The following NELL1 variants were observed in gnomAD, a reference collection of about 807,000 sequenced individuals.
The protein encoded by NELL1 is protein kinase C-binding protein NELL1.
A neutral mutation model predicts 107.4 loss-of-function variants in NELL1; 76 were observed. That is an observed-to-expected ratio of 0.71 (90% CI 0.59 to 0.86). The LOEUF is 0.86. Among genes scored for constraint, NELL1 ranks in the 40% least tolerant of loss-of-function variants. The pLI is 0.00. For synonymous variants in NELL1, 353 were observed against 341.2 expected, an observed-to-expected ratio of 1.03 and a Z score of -0.38; for missense variants, 1,024 against 1,005.5, an observed-to-expected ratio of 1.02 and a Z score of -0.25.
chr11:20,804,480 C>T (rs1857341583), intron 3 of NELL1, among the ~76,000 whole-genome samples: 2 of 152,194 alleles, frequency 1.3e-5, no homozygotes, highest in Non-Finnish European at 2.9e-5. Flanking sequence ...AAGTGATGCA[C>T]CTGCCTCAGC....
rs1328258994 is a variant in NELL1 at position 21,571,072 on chromosome 11, GTCATGTTCTCT to G, written c.2157+135_2157+145del. ...AGCTCTGTGGGGCCTGTGGCTAAGG[GTCATGTTCTCT>G]TCCTAAAGATATTCAGGTTGTATTT... is the stretch of plus-strand genomic sequence containing the variant. On this transcript the variant is annotated intron_variant, in intron 18 of 19. Transcript: ENST00000357134. 8.6e-6 allele frequency: 6 copies of G among 695,194 alleles called. No individual in the cohort carries two copies. In the Admixed American group the frequency reaches 1.6e-4, roughly 19 times the overall value. The allele number at this position is 695,194 out of a possible 1,614,324, so 43.1% of individuals were successfully genotyped here.
chr11:20,769,252 T>A (rs1856594469), intron 2 of NELL1: 1 of 152,368 alleles, frequency 6.6e-6, no homozygotes, highest in South Asian at 2.1e-4. Context: ...CTCTGACAAG[T>A]AAGACAGAAG....
intron 15 of NELL1, among the ~76,000 whole-genome samples, chr11:21,493,281 A>G (rs75435070): frequency 6.6e-6 from 1 of 152,276 alleles, no homozygotes; most frequent in African/African-American, 2.4e-5. Context: ...AGATACCTAC[A>G]TGTGCATATT....
chr11:20,872,294 C>A (rs1024386973), intron 4 of NELL1, among the ~76,000 whole-genome samples: 2 of 151,766 alleles, frequency 1.3e-5, no homozygotes, highest in Non-Finnish European at 2.9e-5. Flanking sequence ...CCCGCTCCCA[C>A]CTCAGCCTCC....
At chr11:21,119,962 T>C (rs1370943146) in intron 13 of NELL1, among the ~76,000 whole-genome samples, 1 of 152,148 alleles carries the variant, frequency 6.6e-6, no homozygotes, top group East Asian at 1.9e-4. Context: ...AGACAGATAC[T>C]TCACAGTAAC....
intron 12 of NELL1, among the ~76,000 whole-genome samples, chr11:20,995,830 T>C (rs1333657674): frequency 1.3e-5 from 2 of 152,128 alleles, no homozygotes; most frequent in Non-Finnish European, 2.9e-5. Flanking sequence ...TTAGAGCTAA[T>C]CTGGCTCACT....
At chr11:21,469,517 G>A (rs368147989) in intron 15 of NELL1, among the ~76,000 whole-genome samples, 1 of 152,012 alleles carries the variant, frequency 6.6e-6, no homozygotes, top group African/African-American at 2.4e-5. Flanking sequence ...CTCTATAATT[G>A]TCTTTGCCAT....
intron 14 of NELL1, among the ~76,000 whole-genome samples, chr11:21,231,649 C>G (rs1405890950): frequency 2.0e-5 from 3 of 152,110 alleles, no homozygotes; most frequent in Non-Finnish European, 4.4e-5. Context: ...TTGCCGAGTC[C>G]TCTCTTGCCA....
chr11:20,685,426 A>G (rs1349650061), intron 2 of NELL1, among the ~76,000 whole-genome samples: 3 of 152,132 alleles, frequency 2.0e-5, no homozygotes, highest in Non-Finnish European at 2.9e-5. Context: ...ATTAGACAGT[A>G]CAGATCTGGA....
rs1371674801 is a variant in NELL1 at position 21,551,680 on chromosome 11, C to G, written c.1787-8509C>G. ...GTGGAGAAATAGGAACACTTTTACA[C>G]TGTTGGTGGGACTGTAAACCAGTTC... On this transcript the variant is annotated intron_variant, in intron 16 of 19. Coordinates refer to ENST00000357134, the MANE Select transcript of NELL1 (RefSeq NM_006157.5). Among the ~76,000 whole-genome samples the G allele has an allele frequency of 2.0e-5, 3 of 151,656 alleles. No homozygotes were observed. In the East Asian group the frequency reaches 5.9e-4, roughly 30 times the overall value.
In NELL1 at chr11:21,419,952, A is replaced by C. The variant is rs558708802; in HGVS notation, c.1645+49004A>C. Reference sequence around the variant, plus strand: ...TCTGGTCACTTATTGACAATTTGTTATAATCCTATTTTTTTATTGCTTGCT... The same window carrying C: ...TCTGGTCACTTATTGACAATTTGTTCTAATCCTATTTTTTTATTGCTTGCT... On this transcript the variant is annotated intron_variant, in intron 15 of 19. Coordinates refer to ENST00000357134, the MANE Select transcript of NELL1 (RefSeq NM_006157.5). Among the ~76,000 whole-genome samples the C allele has an allele frequency of 5.5e-4, 83 of 152,118 alleles. 2 individuals carry two copies. The South Asian group carries it at 0.016, about 29-fold the overall frequency.
intron 17 of NELL1, among the ~76,000 whole-genome samples, chr11:21,562,044 A>C (rs962179320): frequency 6.6e-6 from 1 of 152,038 alleles, no homozygotes; most frequent in African/African-American, 2.4e-5. Flanking sequence ...ACATATCCTC[A>C]CATCCTTTTT....
At chr11:20,851,316 G>A (rs17232841) in intron 4 of NELL1, among the ~76,000 whole-genome samples, 124 of 152,206 alleles carry the variant, frequency 8.1e-4, no homozygotes, top group African/African-American at 2.7e-3. Context: ...TGCTTGCTAC[G>A]GAGACACTTT....
At chr11:21,158,064 A>C (rs1412885160) in intron 13 of NELL1, among the ~76,000 whole-genome samples, 2 of 152,152 alleles carry the variant, frequency 1.3e-5, no homozygotes. Flanking sequence ...CAGGCAGAGG[A>C]ACGTGGAAGG....
intron 13 of NELL1, among the ~76,000 whole-genome samples, chr11:21,138,222 C>T (rs1458271789): frequency 6.6e-6 from 1 of 152,078 alleles, no homozygotes; most frequent in Non-Finnish European, 1.5e-5. Context: ...TCCCTCTTTT[C>T]CTTCCTAGGG....
rs1337491294 is a variant in NELL1, at chr11:20,755,559, T to TTTTTTTTTATTTATTTA, written c.185-28119_185-28118insTTTTTTATTTATTTATT. On this transcript the variant is annotated intron_variant, in intron 2 of 19. Coordinates refer to ENST00000357134, the MANE Select transcript of NELL1 (RefSeq NM_006157.5). ...GTTTTTGTTTTTTTTTGTTTTTGTT[T>TTTTTTTTTATTTATTTA]TTGTTTTTTTTTTTTTGAGACAGAA... is the stretch of plus-strand genomic sequence containing the variant. Among the ~76,000 whole-genome samples the TTTTTTTTTATTTATTTA allele has an allele frequency of 2.8e-4, 5 of 17,684 alleles. No individual in the cohort carries two copies. In the East Asian group the frequency reaches 4.8e-3, roughly 17 times the overall value. 11.6% of individuals were successfully genotyped at this position (17,684 alleles called of 152,430 possible). A position where few individuals can be genotyped will look rare whatever the true frequency, so the allele number is the denominator to read the frequency against.
intron 12 of NELL1, among the ~76,000 whole-genome samples, chr11:21,108,080 C>T (rs1009673031): frequency 8.5e-5 from 13 of 152,270 alleles, no homozygotes; most frequent in Admixed American, 6.5e-4. Context: ...AAAACATGTT[C>T]TCAAGAGCTG....
rs534078598 is a variant in NELL1 at position 21,486,955 on chromosome 11, C to A, written c.1646-47419C>A. ...AGGCCTAGAAAAGAATGAACAAAGACTTTGTGGTGTTTGGGACACCATAAA... is the reference window on the plus strand; with the variant it reads ...AGGCCTAGAAAAGAATGAACAAAGAATTTGTGGTGTTTGGGACACCATAAA... On this transcript the variant is annotated intron_variant, in intron 15 of 19. Coordinates refer to ENST00000357134, the MANE Select transcript of NELL1 (RefSeq NM_006157.5). Among the ~76,000 whole-genome samples the A allele has an allele frequency of 1.2e-4, 19 of 152,136 alleles. No homozygotes were observed. The South Asian group carries it at 3.7e-3, about 30-fold the overall frequency.
At chr11:21,309,295 TATATGTATATATATATA>T in intron 14 of NELL1, among the ~76,000 whole-genome samples, 3 of 80,726 alleles carry the variant, frequency 3.7e-5, no homozygotes, top group East Asian at 6.2e-4. Context: ...TATATATATA[TATATGTATATATATATA>T]ATATATATAT....
Sources: allele counts gnomAD v4.1 joint callset (sites outside exome capture counted in the v4.1 genomes callset), GRCh38; gene constraint gnomAD v4.1.1; transcripts MANE v1.5; gene names NCBI Gene and HGNC (gene_info 2026-07-23, HGNC 2026-07-21).